The following NIN variants were observed in gnomAD, a reference collection of about 807,000 sequenced individuals.
NIN encodes ninein, also known as glycogen synthase kinase 3 beta-interacting protein.
In NIN, 137 loss-of-function variants were observed where a neutral mutation model predicts 257.6. The ratio of observed to expected loss-of-function variants is 0.53; its 90% CI spans 0.46 to 0.61. The LOEUF (loss-of-function observed/expected upper bound fraction) is 0.61, where lower values mean the gene tolerates loss of function less well. Among genes scored for constraint, NIN ranks in the 20% least tolerant of loss-of-function variants. The pLI is 0.00. For synonymous variants in NIN, 918 were observed against 919.8 expected, an observed-to-expected ratio of 1.00 and a Z score of 0.04; for missense variants, 2,439 against 2,501.2, an observed-to-expected ratio of 0.98 and a Z score of 0.53.
chr14:50,743,561 G>T, intron 23 of NIN, 32 bp from the exon 24 acceptor site: 1 of 1,376,496 alleles, frequency 7.3e-7, no homozygotes, highest in Non-Finnish European at 1.0e-6. Flanking sequence ...AGGTAAGAGG[G>T]CATTTTTGCA....
At chr14:50,748,150 G>C in intron 21 of NIN, 45 bp from the exon 22 acceptor site, 1 of 1,345,054 alleles carries the variant, frequency 7.4e-7, no homozygotes, top group Non-Finnish European at 1.1e-6. Flanking sequence ...TACATATTTA[G>C]GCTGGGGAAA....
chr14:50,809,092 G>A (rs2356580), intron 3 of NIN, among the ~76,000 whole-genome samples: 38,705 of 152,014 alleles, frequency 0.25, 5,117 homozygotes, highest in East Asian at 0.3. Flanking sequence ...ATGGTGGTGC[G>A]CACCTGTAAT....
At position 50,760,171 on chromosome 14, in the gene NIN, G is replaced by T; in HGVS notation, c.2085C>A (p.Cys695Ter). The change falls in exon 17 of 31, where the codon TGC becomes TGA. Residue 695 changes from cysteine to a stop codon, truncating the protein, a stop_gained. Transcript: ENST00000530997. LOFTEE classifies it high-confidence loss of function. ...GTTGTTTTTTCTCCTCCTCATGCCT[G>T]CAAGTGGCCTCATGATGTGCCTCCT... ...VLKEAHHEAT[C>*]RHEEEKKQLQ... 6.2e-7 allele frequency: 1 copy of T among 1,614,090 alleles called. No individual in the cohort carries two copies. Among genetic ancestry groups the T allele is most frequent in the Non-Finnish European group, 8.5e-7 (1 of 1,180,028 alleles).
chr14:50,728,118 AT>A (rs113050788), intron 29 of NIN, among the ~76,000 whole-genome samples: 6 of 151,634 alleles, frequency 4.0e-5, no homozygotes, highest in African/African-American at 1.5e-4. Flanking sequence ...GGAAAAGGAT[AT>A]TTTTTTTAAC....
Position 50,760,360 on chromosome 14 carries a change from C to T in NIN, c.1897-1G>A. ...CCAGCTGCTTTTCATAATGGCGCAC[C>T]TGAAGGCACAGAGTGACACCACCAC... On this transcript the variant is annotated splice_acceptor_variant, in intron 16 of 30. Transcript: ENST00000530997. LOFTEE classifies it high-confidence loss of function. 1.2e-6 allele frequency: 2 copies of T among 1,600,292 alleles called. No individual in the cohort carries two copies. Among genetic ancestry groups the T allele is most frequent in the Non-Finnish European group, 1.7e-6 (2 of 1,178,082 alleles).
intron 12 of NIN, 88 bp from the exon 13 acceptor site, chr14:50,766,978 C>T (rs1029995954): frequency 5.2e-5 from 44 of 839,498 alleles, no homozygotes; most frequent in South Asian, 1.4e-4. Flanking sequence ...AAATCAGTAC[C>T]GTAGATTAAA....
intron 5 of NIN, among the ~76,000 whole-genome samples, chr14:50,782,929 T>A (rs2043190972): frequency 6.7e-6 from 1 of 149,796 alleles, no homozygotes; most frequent in Non-Finnish European, 1.5e-5. Flanking sequence ...ACTGAGACCA[T>A]CTCAAACAGA....
Sources: allele counts gnomAD v4.1 joint callset (sites outside exome capture counted in the v4.1 genomes callset), GRCh38; gene constraint gnomAD v4.1.1; transcripts MANE v1.5; gene names NCBI Gene and HGNC (gene_info 2026-07-23, HGNC 2026-07-21).